NEBL: variants seen among roughly 807,000 people sequenced by gnomAD.
The protein encoded by NEBL is nebulette.
A neutral mutation model predicts 140.2 loss-of-function variants in NEBL; 122 were observed. That is an observed-to-expected ratio of 0.87 (90% CI 0.75 to 1.01). The LOEUF (loss-of-function observed/expected upper bound fraction) is 1.01. Among genes scored for constraint, NEBL ranks in the 50% least tolerant of loss-of-function variants. The pLI is 0.00. For synonymous variants in NEBL, 436 were observed against 398.9 expected (o/e 1.09, Z -1.11); for missense variants, 1,365 against 1,231.3 (o/e 1.11, Z -1.62).
At position 20,970,365 on chromosome 10, in the gene NEBL, A is replaced by C. The variant is rs572247774; in HGVS notation, c.250-8586T>G. Reference sequence around the variant, plus strand: ...AAAAAAGAATACAAATAGGCTGGGCACAGTGGCTCACATCTGTAATCCCAG... The same window carrying C: ...AAAAAAGAATACAAATAGGCTGGGCCCAGTGGCTCACATCTGTAATCCCAG... On this transcript the variant is annotated intron_variant, in intron 3 of 6. Coordinates refer to the NEBL transcript ENST00000417816. Among the ~76,000 whole-genome samples the C allele has an allele frequency of 5.3e-4, 81 of 152,276 alleles. No homozygotes were observed. The South Asian group carries it at 0.016, about 30-fold the overall frequency.
intron 2 of NEBL, among the ~76,000 whole-genome samples, chr10:21,080,123 T>G (rs1246139763): frequency 1.3e-5 from 2 of 152,222 alleles, no homozygotes; most frequent in East Asian, 3.8e-4. Flanking sequence ...GTGGCTGTGA[T>G]TTTGTAATAA....
intron 2 of NEBL, among the ~76,000 whole-genome samples, chr10:21,120,574 AG>A (rs1279514479): frequency 6.8e-6 from 1 of 148,012 alleles, no homozygotes; most frequent in Admixed American, 6.8e-5. Context: ...ATTCTTACCT[AG>A]GTCACTTATT....
intron 4 of NEBL, among the ~76,000 whole-genome samples, chr10:20,954,199 G>A (rs1835665048): frequency 6.6e-6 from 1 of 152,182 alleles, no homozygotes; most frequent in Admixed American, 6.5e-5. Context: ...ATGTGCAATG[G>A]ATATGTAGAC....
At chr10:20,937,972 T>C (rs1834597284) in intron 4 of NEBL, among the ~76,000 whole-genome samples, 1 of 152,012 alleles carries the variant, frequency 6.6e-6, no homozygotes, top group African/African-American at 2.4e-5. Flanking sequence ...CCACCTCAGC[T>C]CAAGGAGGCC....
chr10:20,890,321 G>A (rs1846924031), intron 2 of NEBL, among the ~76,000 whole-genome samples: 1 of 152,150 alleles, frequency 6.6e-6, no homozygotes, highest in Non-Finnish European at 1.5e-5. Flanking sequence ...TAAGCCTTTG[G>A]CCAAACAGAA....
chr10:21,147,538 T>A (rs1839951115), intron 2 of NEBL, among the ~76,000 whole-genome samples: 1 of 152,126 alleles, frequency 6.6e-6, no homozygotes, highest in South Asian at 2.1e-4. Context: ...ACCATTGCTG[T>A]GGATTCCAGA....
chr10:21,282,997 A>T (rs1321975596), intron 1 of NEBL, among the ~76,000 whole-genome samples: 1 of 152,032 alleles, frequency 6.6e-6, no homozygotes, highest in Non-Finnish European at 1.5e-5. Flanking sequence ...TTAGCCAGGC[A>T]TGGTGGCATG....
chr10:21,107,115 A>G (rs765381454), intron 2 of NEBL, among the ~76,000 whole-genome samples: 3 of 152,204 alleles, frequency 2.0e-5, no homozygotes, highest in Non-Finnish European at 4.4e-5. Context: ...ATACACAGTC[A>G]TATCATCTGC....
chr10:21,251,212 AG>A (rs1842583974), intron 2 of NEBL, among the ~76,000 whole-genome samples: 1 of 152,332 alleles, frequency 6.6e-6, no homozygotes, highest in African/African-American at 2.4e-5. Context: ...CCAGGTACAC[AG>A]TGATGTGGCC....
intron 2 of NEBL, chr10:21,029,821 G>A (rs1394194740): frequency 1.6e-5 from 11 of 708,000 alleles, no homozygotes; most frequent in Non-Finnish European, 2.3e-5. Flanking sequence ...ATCATTCCTG[G>A]ATAGGCAGTG....
rs937265531 is a variant in NEBL at position 20,982,091 on chromosome 10, A to G, written c.250-20312T>C. Among the ~76,000 whole-genome samples, 5 of 152,238 alleles carry G rather than the reference A, an allele frequency of 3.3e-5. 1 individual carries two copies. Among genetic ancestry groups the G allele is most frequent in the African/African-American group, 1.2e-4 (5 of 41,458 alleles). ...CATTTGCCAGGCTAAGACTTAACACAGCTGTTTGTGATCAACGTTCAATTA... is the reference window on the plus strand; with the variant it reads ...CATTTGCCAGGCTAAGACTTAACACGGCTGTTTGTGATCAACGTTCAATTA... On this transcript the variant is annotated intron_variant, in intron 3 of 6. Coordinates refer to the NEBL transcript ENST00000417816.
intron 2 of NEBL, among the ~76,000 whole-genome samples, chr10:21,156,193 G>A (rs527642715): frequency 7.9e-5 from 12 of 152,324 alleles, no homozygotes; most frequent in African/African-American, 2.6e-4. Context: ...TGTAATTTGC[G>A]AGAAGTAGCT....
At chr10:21,266,998 G>A (rs573728055) in intron 1 of NEBL, among the ~76,000 whole-genome samples, 5 of 151,074 alleles carry the variant, frequency 3.3e-5, no homozygotes, top group South Asian at 2.1e-4. Flanking sequence ...TTTTTCAGAC[G>A]GAGTCTCACT....
intron 10 of NEBL, among the ~76,000 whole-genome samples, 174 bp from the exon 11 acceptor site, chr10:20,850,676 C>T (rs1842421840): frequency 6.6e-6 from 1 of 152,064 alleles, no homozygotes; most frequent in Non-Finnish European, 1.5e-5. Flanking sequence ...GGAAAGTAAA[C>T]AGGTAATATA....
Position 20,799,865 on chromosome 10 carries a change from C to T in NEBL, c.2761+8645G>A, listed in dbSNP as rs181515113. Among the ~76,000 whole-genome samples the T allele has an allele frequency of 1.7e-3, 262 of 152,126 alleles. 1 individual carries two copies. The highest frequency in any genetic ancestry group is 3.0e-3 in the Non-Finnish European group (207 of 68,006). ...GTTTACAACATGATGGTATGGGATACATATACGTGGTAAAATGGTTACTAT... is the reference window on the plus strand; with the variant it reads ...GTTTACAACATGATGGTATGGGATATATATACGTGGTAAAATGGTTACTAT... On this transcript the variant is annotated intron_variant, in intron 26 of 27. Coordinates refer to ENST00000377122, the MANE Select transcript of NEBL (RefSeq NM_006393.3).
chr10:21,233,817 AC>A (rs1842303192), intron 3 of NEBL, among the ~76,000 whole-genome samples: 3 of 142,852 alleles, frequency 2.1e-5, no homozygotes, highest in South Asian at 4.2e-4. Context: ...GATATATATT[AC>A]ATATATATGC....
chr10:20,894,350 G>C (rs1421689858), intron 2 of NEBL, among the ~76,000 whole-genome samples: 2 of 151,990 alleles, frequency 1.3e-5, no homozygotes, highest in African/African-American at 4.8e-5. Flanking sequence ...GCACACACCT[G>C]TAGTCCTAGC....
At chr10:20,789,853 T>TA (rs1835770130) in intron 26 of NEBL, among the ~76,000 whole-genome samples, 2 of 149,404 alleles carry the variant, frequency 1.3e-5, no homozygotes, top group Non-Finnish European at 1.5e-5. Flanking sequence ...ATCTCAAATT[T>TA]TATATATATA....
intron 2 of NEBL, among the ~76,000 whole-genome samples, chr10:21,159,314 G>C (rs992240625): frequency 6.6e-6 from 1 of 152,010 alleles, no homozygotes. Flanking sequence ...GGCACACATC[G>C]TTTATCTTAG....
Sources: allele counts gnomAD v4.1 joint callset (sites outside exome capture counted in the v4.1 genomes callset), GRCh38; gene constraint gnomAD v4.1.1; transcripts MANE v1.5; gene names NCBI Gene and HGNC (gene_info 2026-07-23, HGNC 2026-07-21).